The following FBLN1 variants were observed in gnomAD, a reference collection of about 807,000 sequenced individuals.
The protein encoded by FBLN1 is fibulin-1.
FBLN1 carries 34 observed loss-of-function variants against 89.7 expected under a neutral mutation model. The observed-to-expected ratio is 0.38, with a 90% CI of 0.29 to 0.50. The LOEUF is 0.50. Among genes scored for constraint, FBLN1 ranks in the 20% least tolerant of loss-of-function variants. FBLN1 has a pLI of 0.92. For missense variants in FBLN1, 777 were observed against 988.1 expected (o/e 0.79, Z 2.86); for synonymous variants, 393 against 391.3 (o/e 1.00, Z -0.05).
At chr22:45,586,384 C>A (rs983262691) in intron 16 of FBLN1, among the ~76,000 whole-genome samples, 1 of 152,184 alleles carries the variant, frequency 6.6e-6, no homozygotes, top group African/African-American at 2.4e-5. Flanking sequence ...CCCCAGGGGT[C>A]GGCTACACCC....
rs1203431311 is a variant in FBLN1 at position 45,588,347 on chromosome 22, C to T, written c.1972+11239C>T. On this transcript the variant is annotated intron_variant, in intron 16 of 16. Coordinates refer to ENST00000327858, the MANE Select transcript of FBLN1 (RefSeq NM_006486.3). The surrounding 1 kb of genome is among the most constrained non-coding windows in gnomAD (Gnocchi z 5.1). The stretch of plus-strand genomic sequence containing the variant: ...GAACCAGAGCAGATAAATGCTTGTG[C>T]TGGGGGGAGGGGTGTCGTGAAAAGG... Among the ~76,000 whole-genome samples the T allele has an allele frequency of 6.6e-6, 1 of 152,090 alleles. No individual in the cohort carries two copies. The highest frequency in any genetic ancestry group is 1.5e-5 in the Non-Finnish European group (1 of 68,020).
intron 14 of FBLN1, chr22:45,565,141 C>A (rs751388805): frequency 1.3e-6 from 2 of 1,579,470 alleles, no homozygotes; most frequent in African/African-American, 2.7e-5. Flanking sequence ...GCACCAGCCT[C>A]GAGTCTCCCA....
In FBLN1 at chr22:45,563,422, G is replaced by A; in HGVS notation, c.1698-11089G>A. ...GGAGTCTGTGCCGCTTGTTACCCGG[G>A]GGTGAGCTGGGCACTGGCCACCGCC... On this transcript the variant is annotated intron_variant, in intron 14 of 16. Coordinates refer to ENST00000327858, the MANE Select transcript of FBLN1 (RefSeq NM_006486.3). This position sits in a 1 kb window ranked among gnomAD's most constrained non-coding sequence, Gnocchi z 5.7. The A allele has an allele frequency of 6.7e-7, 1 of 1,487,140 alleles. No homozygotes were observed. The highest frequency in any genetic ancestry group is 9.0e-7 in the Non-Finnish European group (1 of 1,115,436). The allele number at this position is 1,487,140 out of a possible 1,614,324, so 92.1% of individuals were successfully genotyped here.
At chr22:45,558,141 G>T (rs2088811586) in intron 14 of FBLN1, 60 of 714,992 alleles carry the variant, frequency 8.4e-5, no homozygotes, top group South Asian at 8.2e-4. Flanking sequence ...GGCAGGAGTG[G>T]AGACCACGGG....
At chr22:45,523,108 C>T (rs2088272905) in intron 2 of FBLN1, 3 of 773,796 alleles carry the variant, frequency 3.9e-6, no homozygotes, top group East Asian at 4.9e-5. Flanking sequence ...GGGTTGGCCT[C>T]ACTGTGCCAG....
In FBLN1 at chr22:45,578,110, A is replaced by C. The variant is rs1434893227; in HGVS notation, c.1972+1002A>C. 6.6e-6 allele frequency: 1 copy of C among 152,066 alleles called. No homozygotes were observed. Among genetic ancestry groups the C allele is most frequent in the Non-Finnish European group, 1.5e-5 (1 of 68,056 alleles). 9.4% of individuals were successfully genotyped at this position (152,066 alleles called of 1,614,324 possible). A position where few individuals can be genotyped will look rare whatever the true frequency, so the allele number is the denominator to read the frequency against. Reference sequence around the variant, plus strand: ...GGCTTCCTAGTCCCTTAGGCGCTGGAGTCCGGGAGGTCCTAACCAGAACCC... The same window carrying C: ...GGCTTCCTAGTCCCTTAGGCGCTGGCGTCCGGGAGGTCCTAACCAGAACCC... On this transcript the variant is annotated intron_variant, in intron 16 of 16. Coordinates refer to ENST00000327858, the MANE Select transcript of FBLN1 (RefSeq NM_006486.3). This position sits in a 1 kb window ranked among gnomAD's most constrained non-coding sequence, Gnocchi z 4.6.
At chr22:45,518,907 A>T (rs1316164112) in intron 2 of FBLN1, 120 bp downstream of exon 2, 1 of 941,504 alleles carries the variant, frequency 1.1e-6, no homozygotes, top group East Asian at 2.6e-5. Context: ...GCCCGGATCC[A>T]TCCAGGCTGC....
intron 16 of FBLN1, among the ~76,000 whole-genome samples, chr22:45,587,490 A>G (rs1450407314): frequency 7.9e-5 from 12 of 151,976 alleles, no homozygotes; most frequent in Admixed American, 6.6e-4. Context: ...GCCTGCTCCT[A>G]CCCTCCAGAA....
rs1032154524 is a variant in FBLN1 at position 45,575,775 on chromosome 22, G to A, written c.1840+1122G>A. ...CAAGCCTGGCAGAGGGCTATGGATG[G>A]AGCATTGTCCTGTTCACCTCGCTTC... On this transcript the variant is annotated intron_variant, in intron 15 of 16. Transcript: ENST00000327858. This position sits in a 1 kb window ranked among gnomAD's most constrained non-coding sequence, Gnocchi z 6.3. 6.6e-6 allele frequency among the ~76,000 whole-genome samples: 1 copy of A among 152,194 alleles called. No individual in the cohort carries two copies. Among genetic ancestry groups the A allele is most frequent in the South Asian group, 2.1e-4 (1 of 4,826 alleles).
In FBLN1 at chr22:45,536,020, A is replaced by C. The variant is rs966814040; in HGVS notation, c.922+683A>C. On this transcript the variant is annotated intron_variant, in intron 8 of 16. Transcript: ENST00000327858. This position sits in a 1 kb window ranked among gnomAD's most constrained non-coding sequence, Gnocchi z 5.1. ...CAATATAGCGAGACCCCATCACTAC[A>C]AAAAATTAGCTGGGTGTAGTGGCGC... Among the ~76,000 whole-genome samples the C allele has an allele frequency of 2.6e-5, 4 of 152,128 alleles. No individual in the cohort carries two copies. The highest frequency in any genetic ancestry group is 5.9e-5 in the Non-Finnish European group (4 of 68,022).
intron 14 of FBLN1, among the ~76,000 whole-genome samples, chr22:45,554,603 A>C (rs912516312): frequency 2.6e-5 from 4 of 152,240 alleles, no homozygotes; most frequent in African/African-American, 9.6e-5. Flanking sequence ...AAATGCCTCA[A>C]GCAAGTCCAA....
At position 45,600,694 on chromosome 22, in the gene FBLN1, T is replaced by C. The variant is rs2146675507; in HGVS notation, c.*248T>C. The C allele has an allele frequency of 1.8e-6, 1 of 545,248 alleles. No homozygotes were observed. Among genetic ancestry groups the C allele is most frequent in the Non-Finnish European group, 3.3e-6 (1 of 300,574 alleles). 33.8% of individuals were successfully genotyped at this position (545,248 alleles called of 1,614,324 possible). The stretch of plus-strand genomic sequence containing the variant: ...CTCATTTTTTAATGCGAAGGCTAAG[T>C]GTCACCCCCTTTCTCTGCCTCTGGC... On this transcript the variant is annotated 3_prime_UTR_variant, in exon 17 of 17. Transcript: ENST00000327858.
chr22:45,575,072 G>A lies in FBLN1; in HGVS notation c.1840+419G>A, dbSNP rs575486752. Among the ~76,000 whole-genome samples, 7 of 152,236 alleles carry A rather than the reference G, an allele frequency of 4.6e-5. No homozygotes were observed. Among genetic ancestry groups the A allele is most frequent in the South Asian group, 2.1e-4 (1 of 4,826 alleles). ...GCTGGGATTACAGGCGTGAGCCACC[G>A]CGCCTGGCAACTTGACATGCAGAAC... On this transcript the variant is annotated intron_variant, in intron 15 of 16. Coordinates refer to ENST00000327858, the MANE Select transcript of FBLN1 (RefSeq NM_006486.3). This position sits in a 1 kb window ranked among gnomAD's most constrained non-coding sequence, Gnocchi z 6.3.
chr22:45,548,789 G>A, intron 13 of FBLN1, 45 bp downstream of exon 13: 1 of 1,608,244 alleles, frequency 6.2e-7, no homozygotes, highest in Non-Finnish European at 8.5e-7. Context: ...TCTGCTTGGG[G>A]CCCTGCAATG....
In FBLN1 at chr22:45,566,177, C is replaced by G. The variant is rs182912386; in HGVS notation, c.1698-8334C>G. Among the ~76,000 whole-genome samples, 254 of 152,340 alleles carry G rather than the reference C, an allele frequency of 1.7e-3. 1 individual carries two copies. The highest frequency in any genetic ancestry group is 2.3e-3 in the Non-Finnish European group (158 of 68,034). On this transcript the variant is annotated intron_variant, in intron 14 of 16. Transcript: ENST00000327858. Reference sequence around the variant, plus strand: ...GGGATTACTCAGGCTGGAAGGAACACCTGTGCCTTCATGTGCATAGCAATG... The same window carrying G: ...GGGATTACTCAGGCTGGAAGGAACAGCTGTGCCTTCATGTGCATAGCAATG...
intron 12 of FBLN1, among the ~76,000 whole-genome samples, chr22:45,547,561 A>T (rs73173327): frequency 0.058 from 8,742 of 151,258 alleles, 307 homozygotes; most frequent in Non-Finnish European, 0.084. Context: ...ATGCCTGGCT[A>T]ATTTTTTATT....
chr22:45,511,210 A>C (rs1251003039), intron 1 of FBLN1, among the ~76,000 whole-genome samples: 1 of 150,504 alleles, frequency 6.6e-6, no homozygotes, highest in Non-Finnish European at 1.5e-5. Context: ...GCTAGAGTGC[A>C]ATGGCATGAT....
rs376698698 is a variant in FBLN1, at chr22:45,549,309, C to T, written c.1573+565C>T. 6.6e-6 allele frequency among the ~76,000 whole-genome samples: 1 copy of T among 152,172 alleles called. No homozygotes were observed. Among genetic ancestry groups the T allele is most frequent in the Non-Finnish European group, 1.5e-5 (1 of 68,014 alleles). ...CGGGTGCTGAGTAGATGTTTGTGAG[C>T]GCGTGATCCTCAGTGTACACACTGC... On this transcript the variant is annotated intron_variant, in intron 13 of 16. Coordinates refer to ENST00000327858, the MANE Select transcript of FBLN1 (RefSeq NM_006486.3). The surrounding 1 kb of genome is among the most constrained non-coding windows in gnomAD (Gnocchi z 5.7).
Position 45,569,459 on chromosome 22 carries a change from T to G in FBLN1, c.1698-5052T>G, listed in dbSNP as rs142814172. The stretch of plus-strand genomic sequence containing the variant: ...TTCGAGACCAGCCTGGTCCACATGG[T>G]GAAACCACACCTCTACTAAGAATAC... On this transcript the variant is annotated intron_variant, in intron 14 of 16. Coordinates refer to ENST00000327858, the MANE Select transcript of FBLN1 (RefSeq NM_006486.3). Among the ~76,000 whole-genome samples the G allele has an allele frequency of 5.0e-3, 760 of 152,182 alleles. 8 individuals carry two copies. The highest frequency in any genetic ancestry group is 0.04 in the South Asian group (194 of 4,810).
Sources: allele counts gnomAD v4.1 joint callset (sites outside exome capture counted in the v4.1 genomes callset), GRCh38; gene constraint gnomAD v4.1.1; non-coding constraint Gnocchi (gnomAD v3.1); transcripts MANE v1.5; gene names NCBI Gene and HGNC (gene_info 2026-07-23, HGNC 2026-07-21).